SPATS1: variants seen among roughly 807,000 people sequenced by gnomAD.
SPATS1 encodes spermatogenesis associated serine rich 1, also known as spermatogenesis-associated serine-rich protein 1.
Under a neutral mutation model 33.6 loss-of-function variants are expected in SPATS1, and 23 were observed. The observed-to-expected ratio is 0.68, with a 90% CI of 0.49 to 0.97. The LOEUF is 0.97. SPATS1 is among the 50% of genes least tolerant of loss of function. The pLI is 0.00. For missense variants in SPATS1, 327 were observed against 361.0 expected (o/e 0.91, Z 0.76); for synonymous variants, 131 against 125.6 (o/e 1.04, Z -0.29).
rs116816604 is a variant in SPATS1 at position 44,365,848 on chromosome 6, G to A, written c.575-2531G>A. ...GGATGGTCTGTCTAAAAACAAACAA[G>A]CATTAGAACTGATCATGCAGTGTTA... On this transcript the variant is annotated intron_variant, in intron 5 of 8. Transcript: ENST00000674044. Among the ~76,000 whole-genome samples the A allele has an allele frequency of 4.6e-3, 704 of 152,280 alleles. 7 individuals carry two copies. The highest frequency in any genetic ancestry group is 0.015 in the African/African-American group (639 of 41,568).
chr6:44,362,466 A>G (rs993844138), intron 5 of SPATS1, among the ~76,000 whole-genome samples: 1 of 152,190 alleles, frequency 6.6e-6, no homozygotes, highest in Admixed American at 6.5e-5. Flanking sequence ...CTACCTGTGT[A>G]TCTATATCTC....
At chr6:44,360,759 C>T (rs1207095296) in intron 4 of SPATS1, among the ~76,000 whole-genome samples, 189 bp downstream of exon 4, 1 of 152,106 alleles carries the variant, frequency 6.6e-6, no homozygotes, top group Non-Finnish European at 1.5e-5. Context: ...TTATATAAAA[C>T]CCATTAAAAT....
At chr6:44,349,288 C>CAAAAAA (rs35407623) in intron 2 of SPATS1, among the ~76,000 whole-genome samples, 73 of 72,470 alleles carry the variant, frequency 1.0e-3, no homozygotes, top group African/African-American at 1.5e-3. Context: ...GACTCTGGCT[C>CAAAAAA]AAAAAAAAAA....
At chr6:44,361,712 C>A in intron 4 of SPATS1, 119 bp from the exon 5 acceptor site, 2 of 1,371,478 alleles carry the variant, frequency 1.5e-6, no homozygotes, top group South Asian at 1.3e-5. Flanking sequence ...AGGGATTATA[C>A]ACATTAATTA....
At chr6:44,366,559 A>G (rs931669535) in intron 5 of SPATS1, among the ~76,000 whole-genome samples, 3 of 152,208 alleles carry the variant, frequency 2.0e-5, no homozygotes, top group African/African-American at 7.2e-5. Context: ...GCTGCATTTT[A>G]AACAAGTTTC....
At chr6:44,360,247 C>T (rs952629847) in intron 3 of SPATS1, among the ~76,000 whole-genome samples, 199 bp from the exon 4 acceptor site, 12 of 152,222 alleles carry the variant, frequency 7.9e-5, no homozygotes, top group Admixed American at 2.0e-4. Flanking sequence ...GGATTACAGG[C>T]GTGTGCCACT....
At chr6:44,373,923 T>G (rs1789777547) in intron 7 of SPATS1, among the ~76,000 whole-genome samples, 1 of 152,232 alleles carries the variant, frequency 6.6e-6, no homozygotes, top group Admixed American at 6.5e-5. Flanking sequence ...ATATGATATT[T>G]GTTTCAAGGC....
Position 44,379,162 on chromosome 6 carries a change from T to C in SPATS1, c.*2099T>C, listed in dbSNP as rs1790092586. Among the ~76,000 whole-genome samples, 1 of 151,580 alleles carries C rather than the reference T, an allele frequency of 6.6e-6. No individual in the cohort carries two copies. The highest frequency in any genetic ancestry group is 1.5e-5 in the Non-Finnish European group (1 of 67,948). ...CTGCAACCACCAGGTGGGTTAGTAA[T>C]GGAGGACACAATATAGAACAAAAAA... On this transcript the variant is annotated 3_prime_UTR_variant, in exon 9 of 9. Coordinates refer to ENST00000674044, the MANE Select transcript of SPATS1 (RefSeq NM_001372081.1).
At chr6:44,372,439 C>CT (rs1165246658) in intron 7 of SPATS1, among the ~76,000 whole-genome samples, 2 of 149,380 alleles carry the variant, frequency 1.3e-5, no homozygotes, top group African/African-American at 2.5e-5. Context: ...ATTTTGTTGT[C>CT]TTTTTTTATT....
At chr6:44,345,571 G>A in intron 2 of SPATS1, among the ~76,000 whole-genome samples, 1 of 152,074 alleles carries the variant, frequency 6.6e-6, no homozygotes, top group East Asian at 1.9e-4. Context: ...GTCCTATAGT[G>A]GCAATATACA....
chr6:44,367,863 T>C (rs907165490), intron 5 of SPATS1, among the ~76,000 whole-genome samples: 2 of 152,224 alleles, frequency 1.3e-5, no homozygotes, highest in African/African-American at 4.8e-5. Flanking sequence ...TAAGAACCTC[T>C]GCTGAGTAAT....
At position 44,375,258 on chromosome 6, in the gene SPATS1, A is replaced by AG. The variant is rs1789859650; in HGVS notation, c.759-1097dup. The stretch of plus-strand genomic sequence containing the variant: ...GCAGGGTTGGGGGAACCCACATGGG[A>AG]GGGTGAAGCACCCAGAGGCTCATGA... On this transcript the variant is annotated intron_variant, in intron 7 of 8. Coordinates refer to ENST00000674044, the MANE Select transcript of SPATS1 (RefSeq NM_001372081.1). 3.9e-5 allele frequency among the ~76,000 whole-genome samples: 6 copies of AG among 152,286 alleles called. No homozygotes were observed. In the South Asian group the frequency reaches 1.2e-3, roughly 32 times the overall value.
At position 44,354,463 on chromosome 6, in the gene SPATS1, AAT is replaced by A. The variant is rs536243905; in HGVS notation, c.287+1597_287+1598del. Among the ~76,000 whole-genome samples the A allele has an allele frequency of 1.2e-3, 178 of 152,230 alleles. 2 individuals carry two copies. The highest frequency in any genetic ancestry group is 4.2e-3 in the African/African-American group (173 of 41,546). On this transcript the variant is annotated intron_variant, in intron 3 of 8. Transcript: ENST00000674044. Reference sequence around the variant, plus strand: ...AAGTAAACATATTTTTTGCACATAAAATATATATTTATTTTACAATTAAGATC... The same window carrying A: ...AAGTAAACATATTTTTTGCACATAAAATATATTTATTTTACAATTAAGATC...
In SPATS1 at chr6:44,360,475, CCTT is replaced by C. The variant is rs1431375223; in HGVS notation, c.320_322del (p.Phe107del). On this transcript the variant is annotated inframe_deletion, in exon 4 of 9. Coordinates refer to ENST00000674044, the MANE Select transcript of SPATS1 (RefSeq NM_001372081.1). ...ACTGCTGACTTGGATCGGAAACTCTCCTTCTCACATTCTGATCACTCCTCTGAA... is the reference window on the plus strand; with the variant it reads ...ACTGCTGACTTGGATCGGAAACTCTCCTCACATTCTGATCACTCCTCTGAA... 2 of 1,614,172 alleles carry C rather than the reference CCTT, an allele frequency of 1.2e-6. No homozygotes were observed. Among genetic ancestry groups the C allele is most frequent in the Admixed American group, 1.7e-5 (1 of 60,020 alleles).
chr6:44,344,518 T>C (rs961563732), intron 2 of SPATS1, among the ~76,000 whole-genome samples: 1 of 152,048 alleles, frequency 6.6e-6, no homozygotes, highest in Non-Finnish European at 1.5e-5. Flanking sequence ...CCTTGATCCT[T>C]AGGCCCCTTG....
chr6:44,377,217 T>G lies in SPATS1; in HGVS notation c.*154T>G. 1 of 855,538 alleles carries G rather than the reference T, an allele frequency of 1.2e-6. No homozygotes were observed. Among genetic ancestry groups the G allele is most frequent in the Non-Finnish European group, 1.8e-6 (1 of 548,964 alleles). 53.0% of individuals were successfully genotyped at this position (855,538 alleles called of 1,614,324 possible). ...TTTAAAACTTTATATTTTGAAAACT[T>G]TCACATTTACATAAAAGTTGCAAGA... On this transcript the variant is annotated 3_prime_UTR_variant, in exon 9 of 9. Transcript: ENST00000674044.
At chr6:44,374,426 A>G (rs1409235017) in intron 7 of SPATS1, among the ~76,000 whole-genome samples, 1 of 152,232 alleles carries the variant, frequency 6.6e-6, no homozygotes, top group Non-Finnish European at 1.5e-5. Context: ...TTTTTGTCCT[A>G]AAGTATACCT....
At position 44,368,406 on chromosome 6, in the gene SPATS1, A is replaced by C; in HGVS notation, c.602A>C (p.Lys201Thr). The part of the protein sequence containing the change: ...YDIDPRNGIP[K>T]LTPGDNPYMY... ...ATTGATCCCAGGAATGGAATCCCAA[A>C]GTTAACTCCAGGCGACAATCCATAT... is the stretch of plus-strand genomic sequence containing the variant. Residue 201 changes from lysine to threonine, a missense_variant, in exon 6 of 9, where the codon AAG becomes ACG. Transcript: ENST00000674044. The C allele has an allele frequency of 6.2e-7, 1 of 1,613,600 alleles. No individual in the cohort carries two copies. Among genetic ancestry groups the C allele is most frequent in the Non-Finnish European group, 8.5e-7 (1 of 1,179,778 alleles).
intron 2 of SPATS1, among the ~76,000 whole-genome samples, chr6:44,350,758 T>G (rs1460883104): frequency 3.3e-5 from 5 of 152,200 alleles, no homozygotes; most frequent in Non-Finnish European, 7.3e-5. Flanking sequence ...TTGCATAGTT[T>G]ACACTATACA....
Sources: gnomAD v4.1 joint callset for allele counts (sites outside exome capture counted in the v4.1 genomes callset) on GRCh38, gnomAD v4.1.1 for gene constraint, MANE v1.5 for transcripts, NCBI Gene and HGNC (gene_info 2026-07-23, HGNC 2026-07-21) for gene names.